CADPS: variants seen among roughly 807,000 people sequenced by gnomAD.
CADPS encodes calcium-dependent secretion activator 1.
In CADPS, 57 loss-of-function variants were observed where a neutral mutation model predicts 167.3. The ratio of observed to expected loss-of-function variants is 0.34; its 90% CI spans 0.28 to 0.42. The LOEUF is 0.42. Among genes scored for constraint, CADPS ranks in the 20% least tolerant of loss-of-function variants. The pLI, the probability that CADPS is intolerant of heterozygous loss-of-function variation, is 1.00. For synonymous variants in CADPS, 676 were observed against 635.3 expected, an observed-to-expected ratio of 1.06 and a Z score of -0.96; for missense variants, 1,414 against 1,738.1, an observed-to-expected ratio of 0.81 and a Z score of 3.32.
intron 6 of CADPS, chr3:62,626,510 C>T (rs2064117842): frequency 1.4e-6 from 1 of 702,690 alleles, no homozygotes; most frequent in Non-Finnish European, 2.6e-6. Context: ...TTTGACATGG[C>T]ACAAAGACGG....
chr3:62,664,452 A>G (rs2074027795), intron 3 of CADPS, among the ~76,000 whole-genome samples: 2 of 152,150 alleles, frequency 1.3e-5, no homozygotes, highest in South Asian at 2.1e-4. Context: ...CATCCCAATA[A>G]CCACTTGTTG....
chr3:62,855,208 G>C (rs974492848), intron 1 of CADPS, among the ~76,000 whole-genome samples: 4 of 150,822 alleles, frequency 2.7e-5, no homozygotes, highest in Non-Finnish European at 5.9e-5. Flanking sequence ...GCCTCCCAAA[G>C]TGCTGGGATT....
chr3:62,674,589 A>G (rs1431638977), intron 3 of CADPS, among the ~76,000 whole-genome samples: 1 of 152,196 alleles, frequency 6.6e-6, no homozygotes, highest in East Asian at 1.9e-4. Context: ...TTTTAAAAGT[A>G]ACTGTGCCTA....
In CADPS at chr3:62,451,861, G is replaced by A. The variant is rs544406972; in HGVS notation, c.3637-6064C>T. Among the ~76,000 whole-genome samples the A allele has an allele frequency of 2.6e-5, 4 of 152,270 alleles. No individual in the cohort carries two copies. The South Asian group carries it at 6.2e-4, about 24-fold the overall frequency. ...TCCCTAACCCAAGCAATTTAGAAAT[G>A]TAGATTTTTTTGTGTGTCAAGGCAA... On this transcript the variant is annotated intron_variant, in intron 26 of 29. Transcript: ENST00000383710.
chr3:62,538,189 T>C (rs2075082292), intron 11 of CADPS, among the ~76,000 whole-genome samples: 1 of 152,118 alleles, frequency 6.6e-6, no homozygotes, highest in Admixed American at 6.6e-5. Context: ...GGTTGGCTGC[T>C]TCATCTAGGA....
At chr3:62,844,724 A>AATCG (rs1285037854) in intron 1 of CADPS, among the ~76,000 whole-genome samples, 1 of 152,216 alleles carries the variant, frequency 6.6e-6, no homozygotes, top group Non-Finnish European at 1.5e-5. Context: ...CGATTGGGAA[A>AATCG]ATCGATTCTT....
intron 6 of CADPS, among the ~76,000 whole-genome samples, chr3:62,637,563 C>T (rs2066550912): frequency 6.6e-6 from 1 of 152,192 alleles, no homozygotes; most frequent in Non-Finnish European, 1.5e-5. Flanking sequence ...GTGTGTGCGC[C>T]AGCACGTTCA....
Position 62,838,786 on chromosome 3 carries a change from T to C in CADPS, c.441+35803A>G, listed in dbSNP as rs181140764. 2.3e-4 allele frequency among the ~76,000 whole-genome samples: 35 copies of C among 152,302 alleles called. No homozygotes were observed. The East Asian group carries it at 5.0e-3, about 22-fold the overall frequency. ...TAATCTTGAATATAGAAGGAATTGC[T>C]TAGGTCCCAGATTACTGGATGCTGG... On this transcript the variant is annotated intron_variant, in intron 1 of 29. Coordinates refer to ENST00000383710, the MANE Select transcript of CADPS (RefSeq NM_003716.4).
chr3:62,495,091 C>T (rs1428167940), intron 18 of CADPS, among the ~76,000 whole-genome samples: 2 of 152,268 alleles, frequency 1.3e-5, no homozygotes, highest in East Asian at 3.9e-4. Flanking sequence ...ACCATCCTTG[C>T]ATTAATAATC....
At chr3:62,723,483 A>C (rs1306642433) in intron 3 of CADPS, among the ~76,000 whole-genome samples, 2 of 152,116 alleles carry the variant, frequency 1.3e-5, no homozygotes, top group African/African-American at 4.8e-5. Context: ...AATATACATG[A>C]GCTAGACTCT....
intron 8 of CADPS, among the ~76,000 whole-genome samples, chr3:62,571,937 C>T (rs954856644): frequency 5.3e-5 from 8 of 152,078 alleles, no homozygotes; most frequent in African/African-American, 7.2e-5. Flanking sequence ...GAACTGGCAC[C>T]GATCTAGGAA....
intron 3 of CADPS, among the ~76,000 whole-genome samples, chr3:62,704,007 A>C (rs1470798627): frequency 6.6e-6 from 1 of 152,064 alleles, no homozygotes; most frequent in Non-Finnish European, 1.5e-5. Flanking sequence ...CTTAACTCTG[A>C]CTTCATTCCT....
intron 18 of CADPS, among the ~76,000 whole-genome samples, chr3:62,495,785 A>C (rs766084050): frequency 9.9e-5 from 15 of 152,242 alleles, no homozygotes; most frequent in African/African-American, 1.4e-4. Context: ...TGAATAGATT[A>C]GACTCTGGAA....
At chr3:62,732,985 T>A (rs1349974296) in intron 3 of CADPS, among the ~76,000 whole-genome samples, 1 of 152,224 alleles carries the variant, frequency 6.6e-6, no homozygotes, top group Non-Finnish European at 1.5e-5. Context: ...TGACCTACAA[T>A]AGTCGATGGC....
intron 1 of CADPS, among the ~76,000 whole-genome samples, chr3:62,793,035 T>C (rs2093085092): frequency 6.6e-6 from 1 of 152,192 alleles, no homozygotes; most frequent in Admixed American, 6.5e-5. Flanking sequence ...TATCTTCATC[T>C]GTAAAATGGG....
At chr3:62,837,622 T>C (rs1042315670) in intron 1 of CADPS, among the ~76,000 whole-genome samples, 4 of 152,190 alleles carry the variant, frequency 2.6e-5, no homozygotes, top group African/African-American at 9.7e-5. Flanking sequence ...TGTTTCACAA[T>C]GAATTATCTG....
chr3:62,553,964 G>A (rs1024134425), intron 10 of CADPS, among the ~76,000 whole-genome samples: 1 of 152,182 alleles, frequency 6.6e-6, no homozygotes, highest in African/African-American at 2.4e-5. Context: ...GGGAATAGAT[G>A]GAGGCAGACC....
intron 28 of CADPS, among the ~76,000 whole-genome samples, chr3:62,409,292 C>T (rs1221121640): frequency 2.6e-5 from 4 of 152,240 alleles, no homozygotes; most frequent in Admixed American, 2.6e-4. Context: ...TACACAGAAA[C>T]AGCTCTAGTC....
At chr3:62,640,544 G>A (rs1038407545) in intron 6 of CADPS, among the ~76,000 whole-genome samples, 9 of 152,124 alleles carry the variant, frequency 5.9e-5, no homozygotes, top group Non-Finnish European at 7.3e-5. Context: ...CCCTAGGGCC[G>A]TGGCAAGATC....
Sources: allele counts gnomAD v4.1 joint callset (sites outside exome capture counted in the v4.1 genomes callset), GRCh38; gene constraint gnomAD v4.1.1; transcripts MANE v1.5; gene names NCBI Gene and HGNC (gene_info 2026-07-23, HGNC 2026-07-21).